Variants in PIK3R5 observed in about 807,000 individuals in gnomAD.
PIK3R5 encodes the protein phosphoinositide 3-kinase regulatory subunit 5.
In PIK3R5, 32 loss-of-function variants were observed where a neutral mutation model predicts 94.9. The ratio of observed to expected loss-of-function variants is 0.34; its 90% confidence interval spans 0.25 to 0.45. The LOEUF (loss-of-function observed/expected upper bound fraction) is 0.45. Ranked by LOEUF, PIK3R5 falls within the 20% of genes least tolerant of loss-of-function variation. PIK3R5 has a pLI of 1.00. For synonymous variants in PIK3R5, 443 were observed against 479.4 expected, an observed-to-expected ratio of 0.92 and a Z score of 0.99; for missense variants, 853 against 1,144.6, an observed-to-expected ratio of 0.75 and a Z score of 3.68.
At chr17:8,948,300 C>G (rs1159040429) in intron 1 of PIK3R5, among the ~76,000 whole-genome samples, 2 of 152,070 alleles carry the variant, frequency 1.3e-5, no homozygotes, top group East Asian at 3.9e-4. Flanking sequence ...GGTTAACCCA[C>G]TGGAAAGCAT....
intron 2 of PIK3R5, among the ~76,000 whole-genome samples, chr17:8,910,667 C>T (rs1019431911): frequency 4.6e-5 from 7 of 152,114 alleles, no homozygotes; most frequent in Non-Finnish European, 8.8e-5. Context: ...TCAGAGGAAG[C>T]GACATTTGAG....
At position 8,882,730 on chromosome 17, in the gene PIK3R5, G is replaced by C. The variant is rs1477747393; in HGVS notation, c.2206-849C>G. Reference sequence around the variant, plus strand: ...TTCCTGTGGTCCCCCCAGAGAAGATGGTGCTGCCAGTCACAGAGGAGTGAC... The same window carrying C: ...TTCCTGTGGTCCCCCCAGAGAAGATCGTGCTGCCAGTCACAGAGGAGTGAC... On this transcript the variant is annotated intron_variant, in intron 15 of 18. Transcript: ENST00000447110. This position sits in a 1 kb window ranked among gnomAD's most constrained non-coding sequence, Gnocchi z 4.1. Among the ~76,000 whole-genome samples, 1 of 152,076 alleles carries C rather than the reference G, an allele frequency of 6.6e-6. No homozygotes were observed. Among genetic ancestry groups the C allele is most frequent in the African/African-American group, 2.4e-5 (1 of 41,386 alleles).
In PIK3R5 at chr17:8,923,320, T is replaced by C. The variant is rs140993230; in HGVS notation, c.-13-11813A>G. Among the ~76,000 whole-genome samples, 1,133 of 152,264 alleles carry C rather than the reference T, an allele frequency of 7.4e-3. 12 individuals carry two copies. The highest frequency in any genetic ancestry group is 0.025 in the African/African-American group (1,057 of 41,530). On this transcript the variant is annotated intron_variant, in intron 1 of 18. Transcript: ENST00000447110. ...GGATGTACAATGTCACCTTTTCATA[T>C]AATAATTTTAATAATAGCAGCTAAT... is the stretch of plus-strand genomic sequence containing the variant.
intron 5 of PIK3R5, among the ~76,000 whole-genome samples, chr17:8,897,339 AG>A (rs2090174393): frequency 6.6e-6 from 1 of 152,204 alleles, no homozygotes; most frequent in Non-Finnish European, 1.5e-5. Context: ...CCCACTGGGC[AG>A]GCCTTCATGC....
At chr17:8,926,613 T>G (rs1453899768) in intron 1 of PIK3R5, among the ~76,000 whole-genome samples, 1 of 152,046 alleles carries the variant, frequency 6.6e-6, no homozygotes, top group African/African-American at 2.4e-5. Flanking sequence ...AACCATCAAA[T>G]CACGTGAGAC....
intron 1 of PIK3R5, chr17:8,916,662 C>G (rs374486655): frequency 5.2e-4 from 79 of 152,398 alleles, no homozygotes; most frequent in African/African-American, 1.8e-3. Context: ...TTGGTGGGAC[C>G]CCAGAGGGCA....
At chr17:8,900,268 T>C (rs7210930) in intron 5 of PIK3R5, among the ~76,000 whole-genome samples, 4,381 of 152,304 alleles carry the variant, frequency 0.029, 248 homozygotes, top group African/African-American at 0.1. Context: ...GTATCTAACT[T>C]TGAGTCTTAC....
chr17:8,964,455 T>G (rs1179665997), intron 1 of PIK3R5, among the ~76,000 whole-genome samples: 1 of 152,040 alleles, frequency 6.6e-6, no homozygotes, highest in African/African-American at 2.4e-5. Context: ...ATTTTATGAA[T>G]CAGGAGACTG....
At chr17:8,894,629 CTG>C (rs2090108791) in intron 5 of PIK3R5, among the ~76,000 whole-genome samples, 1 of 152,208 alleles carries the variant, frequency 6.6e-6, no homozygotes, top group African/African-American at 2.4e-5. Flanking sequence ...CAGCTTGACT[CTG>C]TTGTGCACAG....
intron 14 of PIK3R5, 109 bp downstream of exon 14, chr17:8,886,120 C>T: frequency 1.2e-6 from 1 of 823,638 alleles, no homozygotes; most frequent in Non-Finnish European, 2.0e-6. Flanking sequence ...TCCTGTGCAA[C>T]CCCACCTTCC....
In PIK3R5 at chr17:8,893,394, C is replaced by T. The variant is rs2090073375; in HGVS notation, c.482+192G>A. The stretch of plus-strand genomic sequence containing the variant: ...GTGAAAGACCGTCAGCCTAGAAAAA[C>T]ACACCTGGACACAAAATATCACCAG... On this transcript the variant is annotated intron_variant, in intron 6 of 18. Coordinates refer to ENST00000447110, the MANE Select transcript of PIK3R5 (RefSeq NM_001142633.3). The surrounding 1 kb of genome is among the most constrained non-coding windows in gnomAD (Gnocchi z 5.1). Among the ~76,000 whole-genome samples the T allele has an allele frequency of 6.6e-6, 1 of 152,168 alleles. No individual in the cohort carries two copies. Among genetic ancestry groups the T allele is most frequent in the Non-Finnish European group, 1.5e-5 (1 of 68,034 alleles).
chr17:8,917,315 T>C (rs1404601635), intron 1 of PIK3R5, among the ~76,000 whole-genome samples: 1 of 152,058 alleles, frequency 6.6e-6, no homozygotes, highest in African/African-American at 2.4e-5. Flanking sequence ...CAAAATTAAA[T>C]AAATAATCGA....
intron 1 of PIK3R5, among the ~76,000 whole-genome samples, chr17:8,949,540 G>A (rs2091337297): frequency 6.6e-6 from 1 of 151,870 alleles, no homozygotes; most frequent in Admixed American, 6.6e-5. Context: ...GAAAGACAGA[G>A]ACAGATTAGA....
intron 1 of PIK3R5, among the ~76,000 whole-genome samples, chr17:8,944,238 T>C (rs923397779): frequency 6.6e-6 from 1 of 152,202 alleles, no homozygotes; most frequent in Non-Finnish European, 1.5e-5. Context: ...TCCATCCACA[T>C]TTCTGCAAAA....
At position 8,890,002 on chromosome 17, in the gene PIK3R5, C is replaced by G; in HGVS notation, c.782G>C (p.Gly261Ala). The change falls in exon 8 of 19, where the codon GGA becomes GCA. Residue 261 changes from glycine (G) to alanine (A), a missense_variant. This residue lies in a region of PIK3R5 where 161 missense variants were observed against 249.5 expected (regional missense o/e 0.65). Coordinates refer to ENST00000447110, the MANE Select transcript of PIK3R5 (RefSeq NM_001142633.3). This position sits in a 1 kb window ranked among gnomAD's most constrained non-coding sequence, Gnocchi z 6.1. ...RWLRTKLQAV[G>A]EKAGFPGVLD... ...CACCCCAGGGAAGCCAGCTTTTTCT[C>G]CCACCGCCTGCAGCTTGGTCCTGAG... 6.2e-7 allele frequency: 1 copy of G among 1,613,836 alleles called. No homozygotes were observed. Among genetic ancestry groups the G allele is most frequent in the South Asian group, 1.1e-5 (1 of 91,062 alleles).
chr17:8,893,521 G>T lies in PIK3R5; in HGVS notation c.482+65C>A. 1.6e-6 allele frequency: 2 copies of T among 1,276,332 alleles called. No individual in the cohort carries two copies. The highest frequency in any genetic ancestry group is 2.3e-6 in the Non-Finnish European group (2 of 875,186). The allele number at this position is 1,276,332 out of a possible 1,614,324, so 79.1% of individuals were successfully genotyped here. ...TGTTTGAGTGGGGGAGGAGGGTGAAGGTGGAACAGTGCAGGGGTCCCAAAC... is the reference window on the plus strand; with the variant it reads ...TGTTTGAGTGGGGGAGGAGGGTGAATGTGGAACAGTGCAGGGGTCCCAAAC... On this transcript the variant is annotated intron_variant, in intron 6 of 18. Transcript: ENST00000447110. The surrounding 1 kb of genome is among the most constrained non-coding windows in gnomAD (Gnocchi z 5.1).
chr17:8,957,055 C>T (rs1416326476), intron 1 of PIK3R5, among the ~76,000 whole-genome samples: 1 of 152,102 alleles, frequency 6.6e-6, no homozygotes, highest in Non-Finnish European at 1.5e-5. Context: ...AGCTTTGGGA[C>T]CTGTTTATTC....
chr17:8,947,507 C>G (rs2091295390), intron 1 of PIK3R5, among the ~76,000 whole-genome samples: 1 of 151,692 alleles, frequency 6.6e-6, no homozygotes, highest in African/African-American at 2.4e-5. Context: ...CCGTGCGTAT[C>G]TAGTCTATTA....
At chr17:8,887,742 C>T in intron 10 of PIK3R5, 59 bp from the exon 11 acceptor site, 2 of 1,511,702 alleles carry the variant, frequency 1.3e-6, no homozygotes, top group East Asian at 2.5e-5. Flanking sequence ...CCTGTAATCC[C>T]AGCACTTTGG....
Sources: allele counts gnomAD v4.1 joint callset (sites outside exome capture counted in the v4.1 genomes callset), GRCh38; gene constraint gnomAD v4.1.1; regional missense constraint gnomAD v4.1.1; non-coding constraint Gnocchi (gnomAD v3.1); transcripts MANE v1.5; gene names NCBI Gene and HGNC (gene_info 2026-07-23, HGNC 2026-07-21).